The following ASCC1 variants were observed in gnomAD, a reference collection of about 807,000 sequenced individuals.
ASCC1 encodes the protein activating signal cointegrator 1 complex subunit 1.
In ASCC1, 35 loss-of-function variants were observed where a neutral mutation model predicts 46.6. That is an observed-to-expected ratio of 0.75 (90% confidence interval 0.57 to 0.99). ASCC1 has a LOEUF of 0.99. Among genes scored for constraint, ASCC1 ranks in the 50% least tolerant of loss-of-function variants. The pLI, the probability that ASCC1 is intolerant of heterozygous loss-of-function variation, is 0.00. For synonymous variants in ASCC1, 143 were observed against 146.6 expected, an observed-to-expected ratio of 0.98 and a Z score of 0.18; for missense variants, 376 against 428.7, an observed-to-expected ratio of 0.88 and a Z score of 1.09.
intron 5 of ASCC1, among the ~76,000 whole-genome samples, chr10:72,169,414 T>A (rs1039423464): frequency 6.6e-6 from 1 of 152,088 alleles, no homozygotes; most frequent in Non-Finnish European, 1.5e-5. Flanking sequence ...CACTCCAGCC[T>A]GAGTGACAGA....
chr10:72,169,831 AAC>A (rs2132817449), intron 5 of ASCC1, among the ~76,000 whole-genome samples: 1 of 152,314 alleles, frequency 6.6e-6, no homozygotes, highest in South Asian at 2.1e-4. Flanking sequence ...AGAATCAACA[AAC>A]ACAAGGCCGG....
chr10:72,187,589 G>A (rs537851045), intron 5 of ASCC1, among the ~76,000 whole-genome samples: 24 of 152,024 alleles, frequency 1.6e-4, no homozygotes, highest in African/African-American at 4.1e-4. Context: ...GCACAGTGGC[G>A]AGCGCCTGTA....
intron 9 of ASCC1, among the ~76,000 whole-genome samples, chr10:72,107,501 C>A (rs976715876): frequency 2.6e-5 from 4 of 151,682 alleles, no homozygotes; most frequent in African/African-American, 9.7e-5. Context: ...CATCCGGGGT[C>A]AAAAAAAACC....
chr10:72,140,082 T>C (rs1044454768), intron 7 of ASCC1, among the ~76,000 whole-genome samples: 3 of 152,182 alleles, frequency 2.0e-5, no homozygotes, highest in African/African-American at 7.2e-5. Context: ...TGCATTTTTT[T>C]ACATCAGTTA....
intron 4 of ASCC1, 78 bp downstream of exon 4, chr10:72,203,349 A>G (rs1856768689): frequency 2.9e-6 from 3 of 1,046,486 alleles, no homozygotes; most frequent in Admixed American, 3.4e-5. Context: ...CATAGTTACT[A>G]AACACTGCAG....
At chr10:72,118,425 T>C (rs1843753350) in intron 9 of ASCC1, among the ~76,000 whole-genome samples, 1 of 150,398 alleles carries the variant, frequency 6.6e-6, no homozygotes, top group African/African-American at 2.4e-5. Context: ...TGGCTGAATA[T>C]TGAATCGAAT....
intron 8 of ASCC1, among the ~76,000 whole-genome samples, chr10:72,132,518 T>C (rs1845728908): frequency 6.6e-6 from 1 of 152,154 alleles, no homozygotes; most frequent in Admixed American, 6.5e-5. Context: ...GGAAGAATAA[T>C]TCTTTGTCAT....
intron 7 of ASCC1, among the ~76,000 whole-genome samples, chr10:72,144,479 AATT>A (rs1847406288): frequency 6.6e-6 from 1 of 152,106 alleles, no homozygotes; most frequent in Non-Finnish European, 1.5e-5. Context: ...CATATATTGT[AATT>A]ATTATATGTC....
chr10:72,211,566 G>A (rs751962717), intron 2 of ASCC1, among the ~76,000 whole-genome samples: 12 of 151,914 alleles, frequency 7.9e-5, no homozygotes, highest in South Asian at 2.1e-4. Flanking sequence ...TCCAGAATGC[G>A]CTTGTCTCTT....
At chr10:72,147,367 C>T (rs1847766129) in intron 7 of ASCC1, among the ~76,000 whole-genome samples, 1 of 152,042 alleles carries the variant, frequency 6.6e-6, no homozygotes, top group African/African-American at 2.4e-5. Flanking sequence ...GATTCTCCTG[C>T]CTCAGCCTCC....
chr10:72,110,095 C>T (rs551458038), intron 9 of ASCC1, among the ~76,000 whole-genome samples: 14 of 152,332 alleles, frequency 9.2e-5, no homozygotes, highest in African/African-American at 2.6e-4. Flanking sequence ...AGGGCAGGTG[C>T]CCTTTCAGAA....
Position 72,163,944 on chromosome 10 carries a change from C to T in ASCC1, c.490-2270G>A, listed in dbSNP as rs1285233820. On this transcript the variant is annotated intron_variant, in intron 5 of 9. Coordinates refer to ENST00000672957, the MANE Select transcript of ASCC1 (RefSeq NM_001198800.3). The stretch of plus-strand genomic sequence containing the variant: ...TCATCTGATAAAAGCATTCCATATC[C>T]ATTTATTTATTTACTTTATATTTAT... Among the ~76,000 whole-genome samples, 11 of 152,008 alleles carry T rather than the reference C, an allele frequency of 7.2e-5. No homozygotes were observed. In the East Asian group the frequency reaches 2.1e-3, roughly 29 times the overall value.
At chr10:72,184,586 A>C (rs1012066455) in intron 5 of ASCC1, among the ~76,000 whole-genome samples, 1 of 152,156 alleles carries the variant, frequency 6.6e-6, no homozygotes, top group East Asian at 1.9e-4. Flanking sequence ...CATAACTATA[A>C]AAGGATCTTA....
intron 7 of ASCC1, among the ~76,000 whole-genome samples, chr10:72,141,076 GATAGATAGAT>G (rs1176818403): frequency 2.7e-5 from 4 of 148,484 alleles, no homozygotes; most frequent in African/African-American, 4.9e-5. Flanking sequence ...TAGATAGATA[GATAGATAGAT>G]ATAGATATAG....
intron 9 of ASCC1, among the ~76,000 whole-genome samples, chr10:72,106,238 G>A (rs1022749039): frequency 4.6e-5 from 7 of 151,594 alleles, no homozygotes; most frequent in East Asian, 1.9e-4. Flanking sequence ...CAAGTCTTAC[G>A]CTATTTATAA....
At chr10:72,172,230 A>G (rs1169305678) in intron 5 of ASCC1, among the ~76,000 whole-genome samples, 2 of 151,972 alleles carry the variant, frequency 1.3e-5, no homozygotes, top group South Asian at 2.1e-4. Context: ...CCTGGGCAAC[A>G]TGGTGAAACC....
intron 3 of ASCC1, among the ~76,000 whole-genome samples, chr10:72,205,063 A>T (rs1395978502): frequency 1.3e-5 from 2 of 152,228 alleles, no homozygotes; most frequent in Non-Finnish European, 2.9e-5. Context: ...ATCAAAATGA[A>T]GTGAGAGGCT....
At chr10:72,174,880 T>A (rs1851676402) in intron 5 of ASCC1, among the ~76,000 whole-genome samples, 2 of 152,228 alleles carry the variant, frequency 1.3e-5, no homozygotes, top group South Asian at 4.1e-4. Flanking sequence ...ACAAACTTTT[T>A]ACATGTTCCC....
intron 9 of ASCC1, 97 bp from the exon 10 acceptor site, chr10:72,097,547 T>G: frequency 1.4e-6 from 1 of 723,546 alleles, no homozygotes; most frequent in Admixed American, 2.1e-5. Context: ...ACCACAACAA[T>G]CCCAACAAAT....
Sources: gnomAD v4.1 joint callset for allele counts (sites outside exome capture counted in the v4.1 genomes callset) on GRCh38, gnomAD v4.1.1 for gene constraint, MANE v1.5 for transcripts, NCBI Gene and HGNC (gene_info 2026-07-23, HGNC 2026-07-21) for gene names.